Variants in FAM20C observed in about 807,000 individuals in gnomAD.
FAM20C encodes the protein FAM20C golgi associated secretory pathway kinase, also known as extracellular serine/threonine protein kinase FAM20C.
In FAM20C, 40 loss-of-function variants were observed where a neutral mutation model predicts 51.5. The ratio of observed to expected loss-of-function variants is 0.78; its 90% CI spans 0.60 to 1.01. The LOEUF (loss-of-function observed/expected upper bound fraction) is 1.01, where lower values mean the gene tolerates loss of function less well. FAM20C is among the 50% of genes least tolerant of loss of function. FAM20C has a pLI of 0.00. For synonymous variants in FAM20C, 406 were observed against 380.6 expected (o/e 1.07, Z -0.78); for missense variants, 861 against 844.7 (o/e 1.02, Z -0.24).
chr7:256,017 G>C lies in FAM20C; in HGVS notation c.1241G>C (p.Arg414Pro). The C allele has an allele frequency of 6.5e-7, 1 of 1,535,820 alleles. No individual in the cohort carries two copies. Among genetic ancestry groups the C allele is most frequent in the Non-Finnish European group, 8.7e-7 (1 of 1,146,700 alleles). The change falls in exon 6 of 10, where the codon CGC (arginine) becomes CCC (proline). Residue 414 changes from arginine to proline, a missense_variant. Arg to Pro is a moderately radical substitution (Grantham distance 103). Around this residue, in one of 3 missense-constraint regions of FAM20C, gnomAD observed 269 missense variants for 283.8 expected, o/e 0.95. Coordinates refer to ENST00000313766, the MANE Select transcript of FAM20C (RefSeq NM_020223.4). ...RNPWRRSYHK[R>P]KKAEWEVDPD... is the part of the protein sequence containing the mutation. ...CCTTGGCGGCGTTCCTACCACAAGC[G>C]CAAGAAGGCCGAGTGAGTGCGGGGC...
At position 259,804 on chromosome 7, in the gene FAM20C, G is replaced by A. The variant is rs1271461052; in HGVS notation, c.1579G>A (p.Glu527Lys). Residue 527 changes from glutamate to lysine, a missense_variant, in exon 10 of 10, where the codon GAG (glutamate) becomes AAG (lysine). Transcript: ENST00000313766. ...GTACAAGCTGAGCCTGCTGATGGCCGAGTCTCTGCGGGGGGACCAGGTGGC... is the reference window on the plus strand; with the variant it reads ...GTACAAGCTGAGCCTGCTGATGGCCAAGTCTCTGCGGGGGGACCAGGTGGC... Reference protein sequence around the residue: ...EEYKLSLLMAESLRGDQVAPV... With the variant: ...EEYKLSLLMAKSLRGDQVAPV... The A allele has an allele frequency of 4.9e-5, 75 of 1,536,470 alleles. No homozygotes were observed. Among genetic ancestry groups the A allele is most frequent in the Non-Finnish European group, 6.1e-5 (70 of 1,146,880 alleles).
intron 3 of FAM20C, among the ~76,000 whole-genome samples, chr7:234,493 C>T (rs1184176183): frequency 6.6e-6 from 1 of 152,144 alleles, no homozygotes; most frequent in Non-Finnish European, 1.5e-5. Context: ...GACCGGGACT[C>T]CTCTGAGCCC....
Position 193,116 on chromosome 7 carries a change from A to AGGC in FAM20C, c.-79_-77dup. 1 of 1,249,234 alleles carries AGGC rather than the reference A, an allele frequency of 8.0e-7. No individual in the cohort carries two copies. The highest frequency in any genetic ancestry group is 1.0e-6 in the Non-Finnish European group (1 of 966,168). The allele number at this position is 1,249,234 out of a possible 1,614,324, so 77.4% of individuals were successfully genotyped here. ...CGGCACCGATGGACCTTGACCCGCG[A>AGGC]GGCGGCGCCGCGCTCGTGCCCAGCT... On this transcript the variant is annotated 5_prime_UTR_variant, in exon 1 of 10. Transcript: ENST00000313766.
intron 2 of FAM20C, among the ~76,000 whole-genome samples, chr7:199,329 C>A (rs535547699): frequency 2.0e-5 from 3 of 152,338 alleles, no homozygotes; most frequent in African/African-American, 7.2e-5. Flanking sequence ...ACAGGTCCTG[C>A]AACCAAGAAC....
chr7:246,207 A>T, intron 3 of FAM20C: 1 of 540,982 alleles, frequency 1.8e-6, no homozygotes, highest in Non-Finnish European at 3.3e-6. Context: ...GGGAGCTGGG[A>T]CCCCCGGCCT....
At chr7:243,930 A>ATAG (rs1788038138) in intron 3 of FAM20C, among the ~76,000 whole-genome samples, 1 of 122,864 alleles carries the variant, frequency 8.1e-6, no homozygotes, top group African/African-American at 2.8e-5. Flanking sequence ...AATAATAATA[A>ATAG]TAATAATAAT....
chr7:226,417 G>C (rs564935142), intron 3 of FAM20C, among the ~76,000 whole-genome samples: 2 of 152,190 alleles, frequency 1.3e-5, no homozygotes, highest in Non-Finnish European at 2.9e-5. Flanking sequence ...GTGCCACAAG[G>C]CCTAGTCACC....
intron 3 of FAM20C, among the ~76,000 whole-genome samples, chr7:210,527 C>T (rs918333845): frequency 3.3e-5 from 5 of 152,092 alleles, no homozygotes; most frequent in African/African-American, 2.4e-5. Context: ...CGCTGAATGG[C>T]GGCGTCTTCA....
chr7:253,000 G>C (rs1788458022), intron 5 of FAM20C, among the ~76,000 whole-genome samples: 2 of 152,280 alleles, frequency 1.3e-5, no homozygotes, highest in South Asian at 4.1e-4. Context: ...AGCTCCGGAA[G>C]CCACTCAGCC....
At chr7:251,640 C>T (rs143027713) in intron 5 of FAM20C, among the ~76,000 whole-genome samples, 2,626 of 152,316 alleles carry the variant, frequency 0.017, 85 homozygotes, top group African/African-American at 0.061. Context: ...CGGTGGTCAC[C>T]GGAGTGCCCC....
chr7:256,586 C>T (rs963905264), intron 6 of FAM20C, 68 bp from the exon 7 acceptor site: 14 of 1,298,382 alleles, frequency 1.1e-5, no homozygotes, highest in Non-Finnish European at 1.5e-5. Flanking sequence ...CTCTTCTGCT[C>T]CTCATGGCAC....
At chr7:209,094 G>A in intron 3 of FAM20C, 118 bp downstream of exon 3, 1 of 1,007,114 alleles carries the variant, frequency 9.9e-7, no homozygotes, top group Non-Finnish European at 1.5e-6. Flanking sequence ...GAGACTGTGG[G>A]TGACCACTCT....
chr7:245,838 G>C (rs1158528353), intron 3 of FAM20C: 1 of 152,606 alleles, frequency 6.6e-6, no homozygotes, highest in Middle Eastern at 3.4e-3. Context: ...CCCTTGGCCA[G>C]GGTGGAGGGA....
At chr7:213,985 T>C (rs1387260134) in intron 3 of FAM20C, among the ~76,000 whole-genome samples, 2 of 152,194 alleles carry the variant, frequency 1.3e-5, no homozygotes, top group African/African-American at 4.8e-5. Context: ...ATTCAGAGCT[T>C]TTGCCATTTT....
At chr7:254,948 C>T (rs1562398805) in intron 5 of FAM20C, among the ~76,000 whole-genome samples, 1 of 152,250 alleles carries the variant, frequency 6.6e-6, no homozygotes, top group Non-Finnish European at 1.5e-5. Context: ...CGTTTCGTGT[C>T]ATCGCACGGA....
intron 3 of FAM20C, among the ~76,000 whole-genome samples, chr7:215,228 TGG>T (rs71016858): frequency 1.2e-5 from 1 of 80,058 alleles, no homozygotes; most frequent in Non-Finnish European, 2.7e-5. Flanking sequence ...AGGCTCCAGC[TGG>T]GGGGGGGAGC....
intron 3 of FAM20C, among the ~76,000 whole-genome samples, chr7:214,369 C>T (rs1240548563): frequency 6.6e-6 from 1 of 152,166 alleles, no homozygotes; most frequent in Non-Finnish European, 1.5e-5. Context: ...AAGACCTTTA[C>T]CACATATGTG....
intron 3 of FAM20C, among the ~76,000 whole-genome samples, chr7:234,472 C>T (rs967321973): frequency 2.0e-5 from 3 of 152,146 alleles, no homozygotes; most frequent in Non-Finnish European, 4.4e-5. Context: ...AGGGCAGGGC[C>T]GGCGTGCCAG....
At chr7:250,452 G>T (rs546042048) in intron 5 of FAM20C, among the ~76,000 whole-genome samples, 3 of 152,188 alleles carry the variant, frequency 2.0e-5, no homozygotes, top group Non-Finnish European at 4.4e-5. Context: ...GAACCTGAGC[G>T]TGGGGGTCTT....
Sources: allele counts gnomAD v4.1 joint callset (sites outside exome capture counted in the v4.1 genomes callset), GRCh38; gene constraint gnomAD v4.1.1; regional missense constraint gnomAD v4.1.1; transcripts MANE v1.5; gene names NCBI Gene and HGNC (gene_info 2026-07-23, HGNC 2026-07-21).